The following SLC2A9 variants were observed in gnomAD, a reference collection of about 807,000 sequenced individuals.
SLC2A9 encodes the protein solute carrier family 2 member 9, also known as solute carrier family 2, facilitated glucose transporter member 9.
In SLC2A9, 39 loss-of-function variants were observed where a neutral mutation model predicts 50.6. The ratio of observed to expected loss-of-function variants is 0.77; its 90% CI spans 0.60 to 1.01. The LOEUF is 1.01. Ranked by LOEUF, SLC2A9 falls within the 50% of genes least tolerant of loss-of-function variation. The pLI, the probability that SLC2A9 is intolerant of heterozygous loss-of-function variation, is 0.00. For missense variants in SLC2A9, 686 were observed against 677.6 expected, an observed-to-expected ratio of 1.01 and a Z score of -0.14; for synonymous variants, 324 against 276.9, an observed-to-expected ratio of 1.17 and a Z score of -1.69.
intron 11 of SLC2A9, among the ~76,000 whole-genome samples, chr4:9,830,573 G>A (rs1046784176): frequency 5.3e-5 from 8 of 152,166 alleles, no homozygotes; most frequent in African/African-American, 1.4e-4. Context: ...AGTCCTGCCC[G>A]TCTCACTCTG....
chr4:9,829,431 C>G (rs567342802), intron 11 of SLC2A9, among the ~76,000 whole-genome samples: 20 of 144,144 alleles, frequency 1.4e-4, no homozygotes, highest in Admixed American at 8.5e-4. Context: ...CAATACCATT[C>G]GGGACATAGT....
intron 10 of SLC2A9, among the ~76,000 whole-genome samples, chr4:9,887,361 G>C (rs1022868694): frequency 2.0e-5 from 3 of 152,190 alleles, no homozygotes; most frequent in African/African-American, 7.2e-5. Flanking sequence ...TCATCTTCAG[G>C]TGAGTCCACT....
intron 5 of SLC2A9, among the ~76,000 whole-genome samples, chr4:9,952,149 AG>A (rs1342929511): frequency 6.6e-6 from 1 of 152,246 alleles, no homozygotes; most frequent in African/African-American, 2.4e-5. Context: ...CGTAAAGTTT[AG>A]TCCACAGAGG....
intron 2 of SLC2A9, among the ~76,000 whole-genome samples, chr4:9,999,823 G>A (rs1488697896): frequency 6.6e-6 from 1 of 152,272 alleles, no homozygotes; most frequent in South Asian, 2.1e-4. Context: ...AGGAAGCCAG[G>A]CACACTTGGG....
downstream of SLC2A9, among the ~76,000 whole-genome samples, chr4:9,778,049 T>C (rs1334174298): frequency 3.2e-5 from 4 of 124,010 alleles, no homozygotes; most frequent in African/African-American, 6.2e-5. Context: ...TCTTTCTTTC[T>C]TTCTTTCCTT....
intron 5 of SLC2A9, among the ~76,000 whole-genome samples, chr4:9,942,339 G>C (rs1006070382): frequency 6.6e-6 from 1 of 152,192 alleles, no homozygotes; most frequent in Non-Finnish European, 1.5e-5. Context: ...AGGGCTGCTT[G>C]ACCCCACTCC....
At chr4:9,936,749 A>G (rs2110222021) in intron 6 of SLC2A9, among the ~76,000 whole-genome samples, 1 of 152,220 alleles carries the variant, frequency 6.6e-6, no homozygotes, top group Middle Eastern at 3.4e-3. Context: ...GATGACAGGG[A>G]GAGGAAAGAG....
intron 3 of SLC2A9, chr4:9,782,163 G>C: frequency 6.3e-7 from 1 of 1,591,214 alleles, no homozygotes; most frequent in Non-Finnish European, 8.6e-7. Context: ...GTCACCGCCT[G>C]CCTGCTGACC....
chr4:9,790,939 C>G (rs1719839921), intron 3 of SLC2A9, among the ~76,000 whole-genome samples: 1 of 152,214 alleles, frequency 6.6e-6, no homozygotes, highest in Admixed American at 6.5e-5. Flanking sequence ...TCTAATTATT[C>G]TCTAGATCTT....
Position 9,837,078 on chromosome 4 carries a change from G to A in SLC2A9, c.1292-2070C>T, listed in dbSNP as rs528809432. On this transcript the variant is annotated intron_variant, in intron 10 of 11. Coordinates refer to ENST00000264784, the MANE Select transcript of SLC2A9 (RefSeq NM_020041.3). Reference sequence around the variant, plus strand: ...CACTCCAACAAATCAAAAACAACTCGGAATGGAGCGTCCCCTCACCTCCCA... The same window carrying A: ...CACTCCAACAAATCAAAAACAACTCAGAATGGAGCGTCCCCTCACCTCCCA... 1.8e-4 allele frequency among the ~76,000 whole-genome samples: 28 copies of A among 151,862 alleles called. No individual in the cohort carries two copies. In the South Asian group the frequency reaches 5.2e-3, roughly 28 times the overall value.
intron 10 of SLC2A9, chr4:9,879,618 G>T (rs1734872911): frequency 1.0e-6 from 1 of 985,272 alleles, no homozygotes; most frequent in East Asian, 1.1e-4. Context: ...CATCTTCTGG[G>T]GTGCTCAGAC....
intron 10 of SLC2A9, among the ~76,000 whole-genome samples, chr4:9,872,732 A>C (rs1038919057): frequency 1.3e-5 from 2 of 152,242 alleles, no homozygotes; most frequent in Non-Finnish European, 2.9e-5. Context: ...ACAACAACAA[A>C]AAAAACATTC....
At chr4:9,781,094 C>G (rs1347611335) in intron 3 of SLC2A9, among the ~76,000 whole-genome samples, 2 of 152,102 alleles carry the variant, frequency 1.3e-5, no homozygotes, top group African/African-American at 2.4e-5. Flanking sequence ...CTGGGGGAAG[C>G]GGGAGCCTGT....
intron 7 of SLC2A9, among the ~76,000 whole-genome samples, chr4:9,911,981 T>C (rs1162940823): frequency 1.3e-5 from 2 of 152,164 alleles, no homozygotes; most frequent in Non-Finnish European, 2.9e-5. Flanking sequence ...TGAGTTCATG[T>C]CCTTTGTAGG....
At chr4:9,989,790 A>G (rs1429377025) in intron 3 of SLC2A9, among the ~76,000 whole-genome samples, 8 of 151,962 alleles carry the variant, frequency 5.3e-5, no homozygotes, top group African/African-American at 9.7e-5. Context: ...CTAGCTTCCT[A>G]TGATTATCTC....
At chr4:9,806,570 C>T (rs1440372046) in intron 3 of SLC2A9, among the ~76,000 whole-genome samples, 3 of 152,264 alleles carry the variant, frequency 2.0e-5, no homozygotes, top group African/African-American at 7.2e-5. Context: ...TCCTCTAGTG[C>T]TGCTGGGTTA....
In SLC2A9 at chr4:9,996,768, G is replaced by A. The variant is rs781109874; in HGVS notation, c.410+13C>T. On this transcript the variant is annotated intron_variant, in intron 3 of 11. Transcript: ENST00000264784. ...TGGAGGGCACCCCCAGATAGAGACAGCCTCCTACTGACCTCCCAAGAACCT... is the reference window on the plus strand; with the variant it reads ...TGGAGGGCACCCCCAGATAGAGACAACCTCCTACTGACCTCCCAAGAACCT... 3.1e-6 allele frequency: 5 copies of A among 1,612,974 alleles called. No individual in the cohort carries two copies. Among genetic ancestry groups the A allele is most frequent in the Admixed American group, 1.7e-5 (1 of 59,972 alleles).
chr4:9,816,193 A>AAAT (rs1332736713), intron 3 of SLC2A9, among the ~76,000 whole-genome samples: 4 of 151,880 alleles, frequency 2.6e-5, no homozygotes, highest in Admixed American at 6.6e-5. Flanking sequence ...ATAAATAAAT[A>AAAT]AATAAATAGA....
chr4:9,885,091 T>C (rs1237286062), intron 10 of SLC2A9, among the ~76,000 whole-genome samples: 1 of 152,134 alleles, frequency 6.6e-6, no homozygotes, highest in African/African-American at 2.4e-5. Flanking sequence ...CCTTAATTGC[T>C]GTCGATAAGT....
Sources: gnomAD v4.1 joint callset for allele counts (sites outside exome capture counted in the v4.1 genomes callset) on GRCh38, gnomAD v4.1.1 for gene constraint, MANE v1.5 for transcripts, NCBI Gene and HGNC (gene_info 2026-07-23, HGNC 2026-07-21) for gene names.